The following BRD2 variants were observed in gnomAD, a reference collection of about 807,000 sequenced individuals.
BRD2 encodes the protein bromodomain-containing protein 2.
BRD2 carries 15 observed loss-of-function variants against 79.1 expected under a neutral mutation model. The ratio of observed to expected loss-of-function variants is 0.19; its 90% CI spans 0.13 to 0.29. The LOEUF (loss-of-function observed/expected upper bound fraction) is 0.29. BRD2 is among the 10% of genes least tolerant of loss of function. The pLI is 1.00. For missense variants in BRD2, 1,053 were observed against 991.3 expected, an observed-to-expected ratio of 1.06 and a Z score of -0.84; for synonymous variants, 488 against 358.6, an observed-to-expected ratio of 1.36 and a Z score of -4.08.
At chr6:32,979,688 C>T in intron 10 of BRD2, 140 bp from the exon 11 acceptor site, 1 of 960,690 alleles carries the variant, frequency 1.0e-6, no homozygotes, top group Non-Finnish European at 1.5e-6. Context: ...GTCCCAGTAG[C>T]CCACCTCTTA....
At chr6:32,973,714 G>T (rs1778340819) in intron 2 of BRD2, among the ~76,000 whole-genome samples, 1 of 152,148 alleles carries the variant, frequency 6.6e-6, no homozygotes, top group Non-Finnish European at 1.5e-5. Flanking sequence ...TGTGTAGTGG[G>T]TGGGTGGAAG....
At chr6:32,979,670 T>C in intron 10 of BRD2, 158 bp from the exon 11 acceptor site, 2 of 798,800 alleles carry the variant, frequency 2.5e-6, no homozygotes, top group South Asian at 3.8e-5. Context: ...TCTGTTTCAC[T>C]ATACAGTGTC....
Position 32,976,063 on chromosome 6 carries a change from G to A in BRD2, c.504G>A (p.Thr168=), listed in dbSNP as rs1194468481. 1.2e-6 allele frequency: 2 copies of A among 1,611,944 alleles called. No individual in the cohort carries two copies. Among genetic ancestry groups the A allele is most frequent in the Non-Finnish European group, 1.7e-6 (2 of 1,179,642 alleles). ...PTDDIVLMAQ[T]LEKIFLQKVA... ...ATGATATTGTCCTAATGGCACAAACGCTGGAAAAGATATTCCTACAGAAGG... is the reference window on the plus strand; with the variant it reads ...ATGATATTGTCCTAATGGCACAAACACTGGAAAAGATATTCCTACAGAAGG... The change falls in exon 5 of 13, where the codon ACG becomes ACA. Residue 168 remains threonine, a synonymous_variant. Transcript: ENST00000374825.
chr6:32,973,020 G>C, intron 2 of BRD2, 93 bp downstream of exon 2: 1 of 1,612,778 alleles, frequency 6.2e-7, no homozygotes, highest in South Asian at 1.1e-5. Context: ...GAGCGGCCCC[G>C]GCGCGCTGCT....
intron 1 of BRD2, chr6:32,970,140 C>G (rs1478736694): frequency 6.6e-6 from 1 of 152,360 alleles, no homozygotes; most frequent in East Asian, 1.9e-4. Flanking sequence ...GGCCGGCCCC[C>G]TGATGGGCCT....
intron 10 of BRD2, chr6:32,978,800 T>TGG (rs113542933): frequency 0.049 from 9,271 of 190,478 alleles, 346 homozygotes; most frequent in East Asian, 0.17. Flanking sequence ...GGTACTGGTC[T>TGG]GGGGGTTGGG....
intron 3 of BRD2, 73 bp downstream of exon 3, chr6:32,974,838 G>A (rs1778514348): frequency 6.5e-7 from 1 of 1,543,542 alleles, no homozygotes; most frequent in Admixed American, 1.8e-5. Context: ...GGTCTGCCTA[G>A]TGTAGATGCT....
chr6:32,977,066 G>A (rs1778858580), intron 7 of BRD2, 130 bp downstream of exon 7: 2 of 1,293,634 alleles, frequency 1.5e-6, no homozygotes, highest in Non-Finnish European at 2.1e-6. Context: ...AAATAATAGT[G>A]GAACAGAAGG....
chr6:32,971,557 C>G (rs1165346250), intron 1 of BRD2, 38 bp from the exon 2 acceptor site: 2 of 459,140 alleles, frequency 4.4e-6, no homozygotes, highest in African/African-American at 4.1e-5. Flanking sequence ...GAGGAGCAGG[C>G]CGCGGCTTCT....
chr6:32,972,676 T>C lies in BRD2; in HGVS notation c.-223T>C. The C allele has an allele frequency of 1.6e-6, 1 of 636,054 alleles. No individual in the cohort carries two copies. Among genetic ancestry groups the C allele is most frequent in the Non-Finnish European group, 2.7e-6 (1 of 368,360 alleles). 39.4% of individuals were successfully genotyped at this position (636,054 alleles called of 1,614,324 possible). On this transcript the variant is annotated 5_prime_UTR_variant, in exon 2 of 13. Transcript: ENST00000374825. ...CTCAGCTGAGGCCGCCGCCATTTTC[T>C]TGCTGTCCGCCGTCTGCAGAGCGCG...
intron 3 of BRD2, 151 bp downstream of exon 3, chr6:32,974,916 G>A: frequency 7.2e-7 from 1 of 1,394,124 alleles, no homozygotes; most frequent in Non-Finnish European, 9.8e-7. Context: ...GGGTATCTTG[G>A]TCCTTTGTGA....
chr6:32,979,652 C>CATCGTGCAAAT, intron 10 of BRD2, 176 bp from the exon 11 acceptor site: 1 of 674,402 alleles, frequency 1.5e-6, no homozygotes, highest in Non-Finnish European at 2.4e-6. Flanking sequence ...TACAGTCGAG[C>CATCGTGCAAAT]AAAATGCTCT....
At chr6:32,978,531 C>T in intron 10 of BRD2, 143 bp downstream of exon 10, 1 of 1,382,680 alleles carries the variant, frequency 7.2e-7, no homozygotes, top group Non-Finnish European at 9.7e-7. Flanking sequence ...TTTTTGGCAC[C>T]AGGGACCAGT....
In BRD2 at chr6:32,976,800, G is replaced by A. The variant is rs758148005; in HGVS notation, c.1064G>A (p.Gly355Asp). 6.2e-6 allele frequency: 10 copies of A among 1,613,166 alleles called. No individual in the cohort carries two copies. In the South Asian group the frequency reaches 9.9e-5, roughly 16 times the overall value. ...KLSEQLKHCN[G>D]ILKELLSKKH... ...TCAGAACAGTTAAAACATTGCAATG[G>A]CATTTTGAAGGAGTTACTCTCTAAG... is the stretch of plus-strand genomic sequence containing the variant. Residue 355 changes from glycine (G) to aspartate (D), a missense_variant, in exon 7 of 13, where the codon GGC becomes GAC. Around this residue, in one of 5 missense-constraint regions of BRD2, gnomAD observed 454 missense variants for 430.5 expected, o/e 1.05. Coordinates refer to ENST00000374825, the MANE Select transcript of BRD2 (RefSeq NM_005104.4).
At chr6:32,975,352 C>A (rs779071699) in intron 3 of BRD2, 32 bp from the exon 4 acceptor site, 8 of 1,560,388 alleles carry the variant, frequency 5.1e-6, no homozygotes, top group Non-Finnish European at 7.0e-6. Context: ...ATTTATTTTT[C>A]TGTGGTTCTG....
intron 1 of BRD2, 40 bp downstream of exon 1, chr6:32,969,096 T>G (rs1777715828): frequency 2.0e-6 from 1 of 512,796 alleles, no homozygotes. Flanking sequence ...GTCAGTCAAG[T>G]GCTTAACCAA....
In BRD2 at chr6:32,975,441, G is replaced by A; in HGVS notation, c.391G>A (p.Glu131Lys). 6.2e-7 allele frequency: 1 copy of A among 1,612,208 alleles called. No homozygotes were observed. The highest frequency in any genetic ancestry group is 1.1e-5 in the South Asian group (1 of 91,064). ...MDMGTIKRRL[E>K]NNYYWAASEC... ...CATGGGTACTATTAAGAGGAGACTTGAAAACAATTATTATTGGGCTGCTTC... is the reference window on the plus strand; with the variant it reads ...CATGGGTACTATTAAGAGGAGACTTAAAAACAATTATTATTGGGCTGCTTC... Residue 131 changes from glutamate to lysine, a missense_variant, in exon 4 of 13, where the codon GAA (glutamate) becomes AAA (lysine). Glu to Lys is a moderately conservative substitution (Grantham distance 56). This residue lies in a region of BRD2 where 413 missense variants were observed against 335.1 expected (regional missense o/e 1.23). Transcript: ENST00000374825.
At chr6:32,978,768 G>A (rs1779112173) in intron 10 of BRD2, 2 of 253,184 alleles carry the variant, frequency 7.9e-6, no homozygotes, top group African/African-American at 4.5e-5. Context: ...CTCCTGCGTA[G>A]CCCAGTAACA....
At position 32,975,374 on chromosome 6, in the gene BRD2, T is replaced by G. The variant is rs635688; in HGVS notation, c.334-10T>G. On this transcript the variant is annotated splice_polypyrimidine_tract_variant and intron_variant, in intron 3 of 12. Coordinates refer to ENST00000374825, the MANE Select transcript of BRD2 (RefSeq NM_005104.4). ...TTTCTGTGGTTCTGACCTAACATTT[T>G]TTTATTTAGGATTATCACAAAATTA... 1 of 1,597,706 alleles carries G rather than the reference T, an allele frequency of 6.3e-7. No individual in the cohort carries two copies. The highest frequency in any genetic ancestry group is 1.3e-5 in the African/African-American group (1 of 74,208).
Sources: allele counts gnomAD v4.1 joint callset (sites outside exome capture counted in the v4.1 genomes callset), GRCh38; gene constraint gnomAD v4.1.1; regional missense constraint gnomAD v4.1.1; transcripts MANE v1.5; gene names NCBI Gene and HGNC (gene_info 2026-07-23, HGNC 2026-07-21).